UNC13B: variants seen among roughly 807,000 people sequenced by gnomAD.
UNC13B encodes protein unc-13 homolog B.
UNC13B carries 144 observed loss-of-function variants against 211.0 expected under a neutral mutation model. The ratio of observed to expected loss-of-function variants is 0.68; its 90% confidence interval spans 0.60 to 0.78. The LOEUF (loss-of-function observed/expected upper bound fraction) is 0.78. Among genes scored for constraint, UNC13B ranks in the 30% least tolerant of loss-of-function variants. The pLI, the probability that UNC13B is intolerant of heterozygous loss-of-function variation, is 0.00. For missense variants in UNC13B, 1,777 were observed against 2,002.0 expected, an observed-to-expected ratio of 0.89 and a Z score of 2.14; for synonymous variants, 709 against 725.8, an observed-to-expected ratio of 0.98 and a Z score of 0.37.
chr9:35,203,068 A>G (rs1341987541), intron 1 of UNC13B, among the ~76,000 whole-genome samples: 3 of 152,206 alleles, frequency 2.0e-5, no homozygotes, highest in Non-Finnish European at 4.4e-5. Flanking sequence ...CTGGGATTAC[A>G]GGTGTGAGCC....
chr9:35,196,071 T>C (rs990228438), intron 1 of UNC13B, among the ~76,000 whole-genome samples: 2 of 150,820 alleles, frequency 1.3e-5, no homozygotes, highest in African/African-American at 4.9e-5. Flanking sequence ...TGTTAAGTTT[T>C]AAATAAGAAA....
At chr9:35,276,826 AATG>A in intron 7 of UNC13B, among the ~76,000 whole-genome samples, 1 of 152,146 alleles carries the variant, frequency 6.6e-6, no homozygotes, top group Non-Finnish European at 1.5e-5. Context: ...GGTGTCTTTC[AATG>A]ATAATTGTTT....
At chr9:35,207,374 T>C (rs1823716164) in intron 1 of UNC13B, among the ~76,000 whole-genome samples, 1 of 152,010 alleles carries the variant, frequency 6.6e-6, no homozygotes, top group Non-Finnish European at 1.5e-5. Flanking sequence ...GTACTCCCAC[T>C]CCAGTCTCCT....
chr9:35,364,427 C>G, intron 11 of UNC13B: 7 of 1,104,358 alleles, frequency 6.3e-6, no homozygotes, highest in African/African-American at 1.6e-5. Context: ...GTCCCGAGGA[C>G]CTCTCCCTCT....
At chr9:35,313,635 A>AATAG (rs1180444481) in intron 10 of UNC13B, among the ~76,000 whole-genome samples, 1 of 109,248 alleles carries the variant, frequency 9.2e-6, no homozygotes, top group Non-Finnish European at 1.7e-5. Flanking sequence ...AAAATAAATA[A>AATAG]ATAAATAAAT....
chr9:35,345,078 G>A (rs537892187), intron 11 of UNC13B, among the ~76,000 whole-genome samples: 2 of 152,348 alleles, frequency 1.3e-5, no homozygotes, highest in South Asian at 4.1e-4. Flanking sequence ...AGAGGATAGA[G>A]ATGGGTTTTT....
intron 1 of UNC13B, among the ~76,000 whole-genome samples, chr9:35,213,877 A>G (rs1294687685): frequency 2.0e-5 from 3 of 152,216 alleles, no homozygotes; most frequent in African/African-American, 7.2e-5. Flanking sequence ...GTCCAAAGCT[A>G]GAAAACAACT....
chr9:35,397,277 C>T lies in UNC13B; in HGVS notation c.11643C>T (p.Ser3881=). Residue 3881 remains serine, a synonymous_variant, in exon 29 of 40, where the codon AGC becomes AGT. Coordinates refer to ENST00000635942, the MANE Select transcript of UNC13B (RefSeq NM_001371189.2). ...IIRKLECPDP[S]ILAHYMRRFA... is the part of the protein sequence containing the mutation. ...GGAAGCTGGAATGCCCAGACCCCAGCATCCTTGCCCACTACATGAGGAGGT... is the reference window on the plus strand; with the variant it reads ...GGAAGCTGGAATGCCCAGACCCCAGTATCCTTGCCCACTACATGAGGAGGT... The T allele has an allele frequency of 3.7e-6, 6 of 1,614,176 alleles. No individual in the cohort carries two copies. Among genetic ancestry groups the T allele is most frequent in the South Asian group, 1.1e-5 (1 of 91,088 alleles).
At chr9:35,252,833 G>A (rs1439930088) in intron 6 of UNC13B, among the ~76,000 whole-genome samples, 1 of 151,992 alleles carries the variant, frequency 6.6e-6, no homozygotes, top group African/African-American at 2.4e-5. Context: ...GGGAGGCTGA[G>A]GCAGGAGATT....
At chr9:35,339,817 A>G (rs1327099969) in intron 11 of UNC13B, among the ~76,000 whole-genome samples, 2 of 152,254 alleles carry the variant, frequency 1.3e-5, no homozygotes, top group Non-Finnish European at 2.9e-5. Context: ...AGCCTCAGAA[A>G]TGCCATCTGG....
intron 11 of UNC13B, among the ~76,000 whole-genome samples, chr9:35,343,620 G>GAGCA (rs1356002919): frequency 6.6e-6 from 1 of 152,122 alleles, no homozygotes; most frequent in Non-Finnish European, 1.5e-5. Context: ...GGATCAAAGT[G>GAGCA]AGCAGGTGAA....
intron 3 of UNC13B, among the ~76,000 whole-genome samples, chr9:35,235,960 A>T (rs1825478688): frequency 6.6e-6 from 1 of 152,044 alleles, no homozygotes; most frequent in African/African-American, 2.4e-5. Context: ...GAATGGATAG[A>T]CAAAGGCATT....
At chr9:35,267,472 G>T (rs906937149) in intron 7 of UNC13B, among the ~76,000 whole-genome samples, 1 of 152,164 alleles carries the variant, frequency 6.6e-6, no homozygotes, top group Non-Finnish European at 1.5e-5. Context: ...TTAAGTTCTG[G>T]GTTACATGTG....
chr9:35,288,367 C>T (rs1828908852), intron 7 of UNC13B, among the ~76,000 whole-genome samples: 1 of 152,194 alleles, frequency 6.6e-6, no homozygotes. Context: ...TTACCTAAGA[C>T]CCATAGTCAT....
chr9:35,231,458 T>C (rs776781798), intron 3 of UNC13B, among the ~76,000 whole-genome samples: 12 of 152,204 alleles, frequency 7.9e-5, no homozygotes, highest in Non-Finnish European at 1.2e-4. Flanking sequence ...AGATGAATGA[T>C]AATGCAGGTA....
At chr9:35,229,022 GT>G (rs1389876476) in intron 2 of UNC13B, among the ~76,000 whole-genome samples, 1 of 151,954 alleles carries the variant, frequency 6.6e-6, no homozygotes, top group East Asian at 1.9e-4. Context: ...TCTCTTGCAA[GT>G]TTTTACTATA....
In UNC13B at chr9:35,307,475, T is replaced by C. The variant is rs1242070822; in HGVS notation, c.8071T>C (p.Leu2691=). 2.5e-6 allele frequency: 1 copy of C among 398,912 alleles called. No homozygotes were observed. Among genetic ancestry groups the C allele is most frequent in the Non-Finnish European group, 4.4e-6 (1 of 226,102 alleles). The allele number at this position is 398,912 out of a possible 1,614,324, so 24.7% of individuals were successfully genotyped here. The part of the protein sequence containing the change: ...AIQTASTNQD[L]LELHPASSLE... ...TCAAACTGCCTCCACAAACCAAGAC[T>C]TACTGGAGCTGCATCCAGCCAGTTC... Residue 2691 remains leucine (L), a synonymous_variant, in exon 9 of 40, where the codon TTA becomes CTA. Transcript: ENST00000635942.
At chr9:35,298,225 C>T (rs1351985028) in intron 8 of UNC13B, among the ~76,000 whole-genome samples, 1 of 152,148 alleles carries the variant, frequency 6.6e-6, no homozygotes, top group African/African-American at 2.4e-5. Flanking sequence ...TTGAGACCAG[C>T]CTGAGAAATA....
At chr9:35,173,424 TC>T (rs1821437421) in intron 1 of UNC13B, among the ~76,000 whole-genome samples, 1 of 150,242 alleles carries the variant, frequency 6.7e-6, no homozygotes, top group Non-Finnish European at 1.5e-5. Flanking sequence ...TCATAATCTA[TC>T]TTTTTTTTTT....
Sources: gnomAD v4.1 joint callset for allele counts (sites outside exome capture counted in the v4.1 genomes callset) on GRCh38, gnomAD v4.1.1 for gene constraint, MANE v1.5 for transcripts, NCBI Gene and HGNC (gene_info 2026-07-23, HGNC 2026-07-21) for gene names.